Variants in STPG2 observed in about 807,000 individuals in gnomAD.
STPG2 encodes sperm-tail PG-rich repeat-containing protein 2.
In STPG2, 56 loss-of-function variants were observed where a neutral mutation model predicts 54.2. The ratio of observed to expected loss-of-function variants is 1.03; its 90% CI spans 0.83 to 1.29. STPG2 has a LOEUF of 1.29. Among genes scored for constraint, STPG2 ranks in the 50% most tolerant of loss-of-function variants. STPG2 has a pLI of 0.00. For synonymous variants in STPG2, 200 were observed against 181.8 expected (o/e 1.10, Z -0.81); for missense variants, 596 against 544.9 (o/e 1.09, Z -0.93).
intron 5 of STPG2, among the ~76,000 whole-genome samples, chr4:97,990,303 A>T (rs1475925126): frequency 6.6e-6 from 1 of 152,184 alleles, no homozygotes; most frequent in Non-Finnish European, 1.5e-5. Flanking sequence ...GCTAGGTTTC[A>T]GATTTAATAA....
At chr4:97,908,842 A>G (rs1051535003) in intron 8 of STPG2, among the ~76,000 whole-genome samples, 2 of 136,492 alleles carry the variant, frequency 1.5e-5, no homozygotes, top group African/African-American at 5.3e-5. Context: ...GGGAAGGGGA[A>G]CATCACATTC....
chr4:97,942,260 C>A (rs1733016367), intron 8 of STPG2, among the ~76,000 whole-genome samples: 1 of 151,706 alleles, frequency 6.6e-6, no homozygotes, highest in Admixed American at 6.6e-5. Flanking sequence ...ATAGAAATAA[C>A]TTTGAATCCA....
At chr4:98,082,268 C>T (rs1216084525) in intron 5 of STPG2, among the ~76,000 whole-genome samples, 1 of 151,872 alleles carries the variant, frequency 6.6e-6, no homozygotes, top group East Asian at 1.9e-4. Context: ...CACTTTATAA[C>T]CCCTACACAG....
At chr4:97,798,438 GAACC>G in intron 9 of STPG2, among the ~76,000 whole-genome samples, 1 of 152,088 alleles carries the variant, frequency 6.6e-6, no homozygotes, top group African/African-American at 2.4e-5. Context: ...ATTTCGTTAT[GAACC>G]CCATAGTCAT....
At chr4:98,120,327 C>T (rs1183348820) in intron 3 of STPG2, among the ~76,000 whole-genome samples, 1 of 152,132 alleles carries the variant, frequency 6.6e-6, no homozygotes, top group Admixed American at 6.6e-5. Context: ...GATCCACCTG[C>T]CTCGGCCTTC....
intron 10 of STPG2, among the ~76,000 whole-genome samples, chr4:97,586,394 G>C (rs747600625): frequency 2.0e-5 from 3 of 151,824 alleles, no homozygotes; most frequent in African/African-American, 4.8e-5. Context: ...AGACAATAAG[G>C]TTAAAAGTAT....
chr4:97,737,605 G>T (rs1725054596), intron 9 of STPG2, among the ~76,000 whole-genome samples: 1 of 152,136 alleles, frequency 6.6e-6, no homozygotes, highest in Admixed American at 6.5e-5. Context: ...GGAAGAAAGG[G>T]TATCAGTGAT....
chr4:97,965,646 A>G (rs1734071218), intron 7 of STPG2, among the ~76,000 whole-genome samples: 1 of 152,176 alleles, frequency 6.6e-6, no homozygotes. Flanking sequence ...GCTTCCAGAA[A>G]AAGGATAAGG....
intron 9 of STPG2, among the ~76,000 whole-genome samples, chr4:97,766,051 T>C (rs1447424601): frequency 6.6e-6 from 1 of 152,056 alleles, no homozygotes; most frequent in Admixed American, 6.6e-5. Flanking sequence ...TTACTGATAT[T>C]GGGAGGTACT....
At chr4:97,473,517 CCT>C (rs1348512433) in intron 4 of STPG2, among the ~76,000 whole-genome samples, 1 of 152,106 alleles carries the variant, frequency 6.6e-6, no homozygotes, top group African/African-American at 2.4e-5. Context: ...GCTCTCAAAC[CCT>C]GTCTCCTGAT....
chr4:98,128,395 T>C, intron 3 of STPG2, 33 bp downstream of exon 3: 1 of 1,511,460 alleles, frequency 6.6e-7, no homozygotes, highest in Admixed American at 2.3e-5. Context: ...TAAACAATTT[T>C]CCAATTGTCA....
At chr4:97,979,872 G>A (rs910819636) in intron 6 of STPG2, among the ~76,000 whole-genome samples, 6 of 151,720 alleles carry the variant, frequency 4.0e-5, no homozygotes, top group South Asian at 2.1e-4. Context: ...CTACAGATGC[G>A]CACCACCACA....
intron 10 of STPG2, among the ~76,000 whole-genome samples, chr4:97,695,421 T>C (rs1723538428): frequency 6.6e-6 from 1 of 152,188 alleles, no homozygotes; most frequent in Admixed American, 6.5e-5. Context: ...GCATTCTTCC[T>C]GAGAACTGGA....
chr4:97,972,581 C>T (rs1261840732), intron 6 of STPG2, 141 bp from the exon 7 acceptor site: 6 of 490,626 alleles, frequency 1.2e-5, no homozygotes, highest in East Asian at 3.6e-5. Context: ...ATGGCATAGT[C>T]GCATTTTAAA....
intron 5 of STPG2, among the ~76,000 whole-genome samples, chr4:97,981,649 A>G (rs1190324351): frequency 2.0e-5 from 3 of 151,624 alleles, no homozygotes; most frequent in Non-Finnish European, 4.4e-5. Flanking sequence ...TAATATAAAT[A>G]AAAAACTATA....
At chr4:97,821,924 CT>C (rs2149105303) in intron 9 of STPG2, among the ~76,000 whole-genome samples, 1 of 152,280 alleles carries the variant, frequency 6.6e-6, no homozygotes, top group African/African-American at 2.4e-5. Flanking sequence ...CCTTGGAGGC[CT>C]TTTTCCCATG....
At chr4:97,547,891 C>T (rs1280630605) in intron 4 of STPG2, among the ~76,000 whole-genome samples, 2 of 152,168 alleles carry the variant, frequency 1.3e-5, no homozygotes, top group African/African-American at 4.8e-5. Context: ...TCGCTCATGC[C>T]TGTAATCCCA....
intron 8 of STPG2, among the ~76,000 whole-genome samples, chr4:97,857,536 C>A (rs898657056): frequency 1.3e-5 from 2 of 151,912 alleles, no homozygotes; most frequent in Admixed American, 6.6e-5. Context: ...GTATTTGATT[C>A]TTCTCTATTT....
At chr4:97,982,019 G>A (rs1276972038) in intron 5 of STPG2, among the ~76,000 whole-genome samples, 1 of 151,368 alleles carries the variant, frequency 6.6e-6, no homozygotes, top group East Asian at 1.9e-4. Flanking sequence ...CACGCAGCTG[G>A]GACCACAGGC....
Sources: gnomAD v4.1 joint callset for allele counts (sites outside exome capture counted in the v4.1 genomes callset) on GRCh38, gnomAD v4.1.1 for gene constraint, MANE v1.5 for transcripts, NCBI Gene and HGNC (gene_info 2026-07-23, HGNC 2026-07-21) for gene names.